Variants in LRRTM4 observed in about 807,000 individuals in gnomAD.
LRRTM4 encodes the protein leucine rich repeat transmembrane neuronal 4, also known as leucine-rich repeat transmembrane neuronal protein 4.
LRRTM4 carries 25 observed loss-of-function variants against 47.6 expected under a neutral mutation model. That is an observed-to-expected ratio of 0.53 (90% CI 0.38 to 0.73). LRRTM4 has a LOEUF of 0.73. Ranked by LOEUF, LRRTM4 falls within the 30% of genes least tolerant of loss-of-function variation. The pLI is 0.00. For synonymous variants in LRRTM4, 311 were observed against 269.5 expected (o/e 1.15, Z -1.51); for missense variants, 638 against 713.4 (o/e 0.89, Z 1.20).
chr2:76,959,288 G>C (rs530505830), intron 3 of LRRTM4, among the ~76,000 whole-genome samples: 1 of 151,594 alleles, frequency 6.6e-6, no homozygotes, highest in African/African-American at 2.4e-5. Flanking sequence ...TGGTGGAGAG[G>C]ACAGCATTTT....
intron 3 of LRRTM4, among the ~76,000 whole-genome samples, chr2:77,407,450 G>A (rs771280277): frequency 8.6e-5 from 13 of 150,766 alleles, no homozygotes; most frequent in South Asian, 2.1e-4. Flanking sequence ...AGTTTTGAGC[G>A]CAGGTTTTGT....
chr2:77,097,724 G>T (rs59241957), intron 3 of LRRTM4, among the ~76,000 whole-genome samples: 2,173 of 152,044 alleles, frequency 0.014, 53 homozygotes, highest in African/African-American at 0.049. Flanking sequence ...GTTCATTGTT[G>T]TGGGGAAAAA....
rs142563669 is a variant in LRRTM4 at position 76,794,386 on chromosome 2, A to G, written c.1552-45470T>C. Among the ~76,000 whole-genome samples, 713 of 152,346 alleles carry G rather than the reference A, an allele frequency of 4.7e-3. 10 individuals carry two copies. Among genetic ancestry groups the G allele is most frequent in the African/African-American group, 0.016 (672 of 41,590 alleles). ...AACAAAGGATTGGGTATACCACTAC[A>G]GTCCCTAAATACTGCTATATGACTA... On this transcript the variant is annotated intron_variant, in intron 3 of 3. Transcript: ENST00000409884.
intron 3 of LRRTM4, among the ~76,000 whole-genome samples, chr2:76,816,104 C>T (rs914555823): frequency 6.6e-5 from 10 of 152,034 alleles, no homozygotes; most frequent in African/African-American, 2.4e-4. Context: ...CTGTATCCTC[C>T]CTGCTTTCCT....
At chr2:77,318,738 TAACA>T (rs1677695094) in intron 3 of LRRTM4, among the ~76,000 whole-genome samples, 1 of 152,194 alleles carries the variant, frequency 6.6e-6, no homozygotes, top group Non-Finnish European at 1.5e-5. Context: ...TAAAGGAGAA[TAACA>T]CTCATCTTTC....
intron 3 of LRRTM4, among the ~76,000 whole-genome samples, chr2:76,827,345 G>A (rs534904727): frequency 2.0e-5 from 3 of 151,750 alleles, no homozygotes; most frequent in African/African-American, 4.8e-5. Context: ...AGGGTCAAAC[G>A]CCAGGGGCCT....
At chr2:77,480,256 A>G (rs1470265092) in intron 3 of LRRTM4, among the ~76,000 whole-genome samples, 1 of 152,208 alleles carries the variant, frequency 6.6e-6, no homozygotes, top group Non-Finnish European at 1.5e-5. Context: ...AGTAAAAGGA[A>G]CTACAGAGAA....
At chr2:77,111,612 C>A (rs1054360989) in intron 3 of LRRTM4, among the ~76,000 whole-genome samples, 2 of 152,126 alleles carry the variant, frequency 1.3e-5, no homozygotes, top group Admixed American at 1.3e-4. Flanking sequence ...CCTACTTGGT[C>A]CTTAAGATTT....
At chr2:77,111,293 T>A (rs199996029) in intron 3 of LRRTM4, among the ~76,000 whole-genome samples, 11,871 of 149,660 alleles carry the variant, frequency 0.079, 1,118 homozygotes, top group African/African-American at 0.21. Flanking sequence ...ATTTTTTTTT[T>A]TTTTTTTTTG....
chr2:77,406,413 C>A (rs565842649), intron 3 of LRRTM4, among the ~76,000 whole-genome samples: 3 of 152,012 alleles, frequency 2.0e-5, no homozygotes, highest in Non-Finnish European at 4.4e-5. Flanking sequence ...CCTCTAACTC[C>A]TGGGCTCCAG....
At chr2:77,399,167 C>CTTTTT (rs568671038) in intron 3 of LRRTM4, among the ~76,000 whole-genome samples, 3 of 136,678 alleles carry the variant, frequency 2.2e-5, no homozygotes, top group African/African-American at 8.0e-5. Flanking sequence ...AACAGCAGGG[C>CTTTTT]TTTTTTTTTT....
At chr2:76,816,819 G>GTTTTTTTTTTTTTTTTTTTTT (rs201525166) in intron 3 of LRRTM4, among the ~76,000 whole-genome samples, 5 of 96,522 alleles carry the variant, frequency 5.2e-5, no homozygotes, top group Non-Finnish European at 1.0e-4. Flanking sequence ...GAGGTAAAGA[G>GTTTTTTTTTTTTTTTTTTTTT]TTTTTTTTTT....
At chr2:77,127,915 C>G (rs187515920) in intron 3 of LRRTM4, among the ~76,000 whole-genome samples, 1 of 152,086 alleles carries the variant, frequency 6.6e-6, no homozygotes, top group Non-Finnish European at 1.5e-5. Flanking sequence ...GAGGCCAAGG[C>G]GGGCGGATCA....
At chr2:76,752,791 T>C (rs973330600) in intron 3 of LRRTM4, among the ~76,000 whole-genome samples, 2 of 152,124 alleles carry the variant, frequency 1.3e-5, no homozygotes, top group Admixed American at 6.5e-5. Flanking sequence ...CAAAACAAAG[T>C]ATTCTTAAGT....
intron 3 of LRRTM4, among the ~76,000 whole-genome samples, chr2:76,867,834 C>T (rs1672509376): frequency 6.6e-6 from 1 of 152,074 alleles, no homozygotes; most frequent in African/African-American, 2.4e-5. Context: ...TTAATACACC[C>T]ATGCATACAC....
chr2:76,834,835 A>G (rs1671461758), intron 3 of LRRTM4, among the ~76,000 whole-genome samples: 1 of 152,184 alleles, frequency 6.6e-6, no homozygotes, highest in Non-Finnish European at 1.5e-5. Flanking sequence ...ATGTTATGCA[A>G]TAGTACTTGA....
chr2:77,103,565 T>G (rs2103916173), intron 3 of LRRTM4, among the ~76,000 whole-genome samples: 1 of 151,600 alleles, frequency 6.6e-6, no homozygotes, highest in East Asian at 1.9e-4. Flanking sequence ...AGAAATAAAT[T>G]TGCAATGTGA....
intron 3 of LRRTM4, among the ~76,000 whole-genome samples, chr2:77,230,345 A>G (rs1350283087): frequency 6.6e-6 from 1 of 152,140 alleles, no homozygotes; most frequent in Non-Finnish European, 1.5e-5. Flanking sequence ...GTAAGACACA[A>G]CTGTTCTCCT....
At chr2:77,087,336 G>C (rs1007036761) in intron 3 of LRRTM4, among the ~76,000 whole-genome samples, 1 of 152,192 alleles carries the variant, frequency 6.6e-6, no homozygotes, top group Non-Finnish European at 1.5e-5. Flanking sequence ...GAATCTGGTA[G>C]AAACAAAAAA....
Sources: allele counts gnomAD v4.1 joint callset (sites outside exome capture counted in the v4.1 genomes callset), GRCh38; gene constraint gnomAD v4.1.1; transcripts MANE v1.5; gene names NCBI Gene and HGNC (gene_info 2026-07-23, HGNC 2026-07-21).